Variants in SLX9 observed in about 807,000 individuals in gnomAD.
The protein encoded by SLX9 is ribosome biogenesis protein SLX9 homolog.
In SLX9, 19 loss-of-function variants were observed where a neutral mutation model predicts 20.8. That is an observed-to-expected ratio of 0.91 (90% CI 0.64 to 1.34). The LOEUF is 1.34. Among genes scored for constraint, SLX9 ranks in the 40% most tolerant of loss-of-function variants. The pLI, the probability that SLX9 is intolerant of heterozygous loss-of-function variation, is 0.00. For missense variants in SLX9, 299 were observed against 322.2 expected (o/e 0.93, Z 0.55); for synonymous variants, 113 against 137.1 (o/e 0.82, Z 1.23).
chr21:44,964,486 G>T (rs145431261), intron 3 of SLX9, among the ~76,000 whole-genome samples: 1 of 152,226 alleles, frequency 6.6e-6, no homozygotes, highest in South Asian at 2.1e-4. Context: ...GGCCTCCCCC[G>T]GTCACTCTCC....
Position 44,952,156 on chromosome 21 carries a change from G to T in SLX9, c.284-7944G>T, listed in dbSNP as rs1156750330. On this transcript the variant is annotated intron_variant, in intron 2 of 5. Coordinates refer to ENST00000291634, the MANE Select transcript of SLX9 (RefSeq NM_058190.4). Reference sequence around the variant, plus strand: ...GGCTTGGCCAGCCTCTTCTGTGCCTGTGTCTCATGGCCTGGCTCCTGTTCA... The same window carrying T: ...GGCTTGGCCAGCCTCTTCTGTGCCTTTGTCTCATGGCCTGGCTCCTGTTCA... Among the ~76,000 whole-genome samples, 5 of 131,878 alleles carry T rather than the reference G, an allele frequency of 3.8e-5. No homozygotes were observed. The South Asian group carries it at 1.0e-3, about 27-fold the overall frequency. The allele number at this position is 131,878 out of a possible 152,430, so 86.5% of individuals were successfully genotyped here. A position where few individuals can be genotyped will look rare whatever the true frequency, so the allele number is the denominator to read the frequency against.
At chr21:44,944,229 T>G (rs768971701) in intron 2 of SLX9, among the ~76,000 whole-genome samples, 44 of 152,360 alleles carry the variant, frequency 2.9e-4, no homozygotes, top group Non-Finnish European at 5.3e-4. Context: ...GTTAGCTGCT[T>G]ATCATTTTGT....
At chr21:44,969,246 C>T in intron 4 of SLX9, 1 of 468,978 alleles carries the variant, frequency 2.1e-6, no homozygotes, top group Middle Eastern at 5.2e-4. Flanking sequence ...GGCACCAGAG[C>T]ACTGGGTCCA....
intron 2 of SLX9, among the ~76,000 whole-genome samples, chr21:44,954,139 G>T (rs1237843002): frequency 6.6e-6 from 1 of 152,194 alleles, no homozygotes; most frequent in East Asian, 1.9e-4. Context: ...AACACTGGGG[G>T]TGGGTGTGGA....
intron 2 of SLX9, among the ~76,000 whole-genome samples, chr21:44,956,737 G>C (rs1190681615): frequency 1.3e-5 from 2 of 152,218 alleles, no homozygotes; most frequent in East Asian, 3.8e-4. Context: ...CACGTGCCCC[G>C]TGAACCGTGT....
chr21:44,952,261 G>T (rs966085398), intron 2 of SLX9, among the ~76,000 whole-genome samples: 4 of 152,236 alleles, frequency 2.6e-5, no homozygotes, highest in African/African-American at 9.6e-5. Context: ...CGCTGTCTTG[G>T]GCTTGCGCTG....
At chr21:44,952,019 C>T (rs2084767537) in intron 2 of SLX9, among the ~76,000 whole-genome samples, 1 of 147,672 alleles carries the variant, frequency 6.8e-6, no homozygotes, top group Non-Finnish European at 1.5e-5. Context: ...GTCGTGGGCA[C>T]AGTGCAGCAG....
rs544309257 is a variant in SLX9, at chr21:44,955,353, G to A, written c.284-4747G>A. 2.6e-5 allele frequency among the ~76,000 whole-genome samples: 4 copies of A among 152,202 alleles called. No individual in the cohort carries two copies. The South Asian group carries it at 6.2e-4, about 24-fold the overall frequency. On this transcript the variant is annotated intron_variant, in intron 2 of 5. Coordinates refer to ENST00000291634, the MANE Select transcript of SLX9 (RefSeq NM_058190.4). ...ACGTGCACCACCCCCTCACATGCTC[G>A]CCCACCAGCGCTCCGAGGGAAAGCT...
intron 2 of SLX9, among the ~76,000 whole-genome samples, chr21:44,959,450 C>G (rs978426754): frequency 3.3e-5 from 5 of 152,212 alleles, no homozygotes; most frequent in African/African-American, 1.2e-4. Context: ...GCCCTGCAGG[C>G]TCATCCCACC....
chr21:44,954,761 C>T (rs1227922847), intron 2 of SLX9, among the ~76,000 whole-genome samples: 3 of 152,258 alleles, frequency 2.0e-5, no homozygotes, highest in South Asian at 2.1e-4. Flanking sequence ...CAAACCTCGG[C>T]GGGGGGTGTC....
chr21:44,972,427 C>T (rs553264799), intron 4 of SLX9, among the ~76,000 whole-genome samples: 1 of 152,292 alleles, frequency 6.6e-6, no homozygotes, highest in East Asian at 1.9e-4. Context: ...GTGTCCTGGC[C>T]CGCCCGTGCC....
At chr21:44,971,432 G>C (rs924699960) in intron 4 of SLX9, among the ~76,000 whole-genome samples, 8 of 152,124 alleles carry the variant, frequency 5.3e-5, no homozygotes, top group Non-Finnish European at 8.8e-5. Context: ...TGTGGGACGC[G>C]TGGGTGGGGG....
At chr21:44,950,861 CG>C (rs1307410345) in intron 2 of SLX9, among the ~76,000 whole-genome samples, 6 of 151,980 alleles carry the variant, frequency 3.9e-5, no homozygotes, top group African/African-American at 9.7e-5. Flanking sequence ...AGGGGGGTGT[CG>C]GGGGGCTGCT....
At chr21:44,940,012 A>G (rs1466820209), upstream of SLX9, 1 of 1,384,362 alleles carries the variant, frequency 7.2e-7, no homozygotes, top group South Asian at 1.7e-5. Context: ...ACGCAGGACC[A>G]GCTTCCGGGA....
chr21:44,944,936 G>A (rs1260973485), intron 2 of SLX9, among the ~76,000 whole-genome samples: 2 of 152,342 alleles, frequency 1.3e-5, no homozygotes, highest in East Asian at 3.9e-4. Flanking sequence ...TTGAGATGAG[G>A]TAGTTGGTGT....
chr21:44,959,146 G>C (rs1341353484), intron 2 of SLX9: 4 of 936,356 alleles, frequency 4.3e-6, no homozygotes, highest in South Asian at 9.9e-5. Flanking sequence ...ACCGGCTCCT[G>C]AAGTGAAGTC....
chr21:44,954,762 G>A (rs1275677444), intron 2 of SLX9, among the ~76,000 whole-genome samples: 4 of 152,204 alleles, frequency 2.6e-5, no homozygotes, highest in African/African-American at 7.2e-5. Context: ...AAACCTCGGC[G>A]GGGGGTGTCT....
intron 1 of SLX9, among the ~76,000 whole-genome samples, chr21:44,941,511 G>A (rs140841713): frequency 7.5e-4 from 114 of 151,448 alleles, no homozygotes; most frequent in Middle Eastern, 3.4e-3. Context: ...ATCTGCTTAA[G>A]CTCCTCACTG....
intron 5 of SLX9, 75 bp downstream of exon 5, chr21:44,973,340 C>T (rs1487510688): frequency 7.0e-7 from 1 of 1,425,190 alleles, no homozygotes; most frequent in African/African-American, 1.4e-5. Context: ...TCCAGGGGTT[C>T]AGCTCCTATG....
Sources: gnomAD v4.1 joint callset for allele counts (sites outside exome capture counted in the v4.1 genomes callset) on GRCh38, gnomAD v4.1.1 for gene constraint, MANE v1.5 for transcripts, NCBI Gene and HGNC (gene_info 2026-07-23, HGNC 2026-07-21) for gene names.